Variants in UBE2U observed in about 807,000 individuals in gnomAD.
UBE2U encodes ubiquitin conjugating enzyme E2 U.
In UBE2U, 39 loss-of-function variants were observed where a neutral mutation model predicts 41.2. The ratio of observed to expected loss-of-function variants is 0.95; its 90% CI spans 0.73 to 1.24. The LOEUF (loss-of-function observed/expected upper bound fraction) is 1.24. Ranked by LOEUF, UBE2U falls within the 50% of genes most tolerant of loss-of-function variation. The pLI is 0.00. For missense variants in UBE2U, 336 were observed against 363.1 expected, an observed-to-expected ratio of 0.93 and a Z score of 0.61; for synonymous variants, 107 against 117.8, an observed-to-expected ratio of 0.91 and a Z score of 0.60.
At chr1:64,211,664 C>T (rs1044517318) in intron 4 of UBE2U, among the ~76,000 whole-genome samples, 1 of 152,142 alleles carries the variant, frequency 6.6e-6, no homozygotes, top group African/African-American at 2.4e-5. Flanking sequence ...TGGCCTCAAA[C>T]TCCTGGGCTC....
chr1:64,255,607 G>T (rs528522447), intron 8 of UBE2U, among the ~76,000 whole-genome samples: 4 of 152,212 alleles, frequency 2.6e-5, no homozygotes, highest in South Asian at 2.1e-4. Context: ...AGGGTGCAAG[G>T]TTGGCTCAAC....
intron 8 of UBE2U, chr1:64,244,141 T>G: frequency 1.2e-6 from 2 of 1,610,174 alleles, no homozygotes. Context: ...TGAAAAATCT[T>G]TCTTTGGAAG....
chr1:64,260,566 T>C (rs972104386), intron 8 of UBE2U, 37 bp from the exon 9 acceptor site: 56 of 1,498,360 alleles, frequency 3.7e-5, no homozygotes, highest in Non-Finnish European at 4.7e-5. Context: ...CTTACCAAAA[T>C]TCATTTGGGA....
intron 8 of UBE2U, among the ~76,000 whole-genome samples, chr1:64,256,838 AG>A (rs1363798916): frequency 6.6e-6 from 1 of 152,052 alleles, no homozygotes; most frequent in African/African-American, 2.4e-5. Flanking sequence ...ACCTAAAGAA[AG>A]GGAGAAAAAT....
intron 8 of UBE2U, among the ~76,000 whole-genome samples, chr1:64,248,762 A>G (rs1053843470): frequency 2.0e-5 from 3 of 152,216 alleles, no homozygotes; most frequent in Admixed American, 6.5e-5. Flanking sequence ...AAGAAAAGGT[A>G]TAAATCAAGT....
rs552025233 is a variant in UBE2U, at chr1:64,253,086, G to T, written c.678-7517G>T. On this transcript the variant is annotated intron_variant, in intron 8 of 9. Coordinates refer to ENST00000371077, the MANE Select transcript of UBE2U (RefSeq NM_001366232.2). Reference sequence around the variant, plus strand: ...GGAACATAAACAACCTGATGGAGCTGAAAAACACAACTTTAGAACTTCACA... The same window carrying T: ...GGAACATAAACAACCTGATGGAGCTTAAAAACACAACTTTAGAACTTCACA... 2.0e-5 allele frequency among the ~76,000 whole-genome samples: 3 copies of T among 150,864 alleles called. No individual in the cohort carries two copies. In the South Asian group the frequency reaches 6.2e-4, roughly 31 times the overall value.
intron 8 of UBE2U, among the ~76,000 whole-genome samples, chr1:64,257,157 TTGG>T (rs1157186787): frequency 6.6e-6 from 1 of 152,166 alleles, no homozygotes; most frequent in Non-Finnish European, 1.5e-5. Context: ...TTTTACACTG[TTGG>T]TGGGTGTGTA....
At chr1:64,256,767 A>G (rs1387356925) in intron 8 of UBE2U, among the ~76,000 whole-genome samples, 1 of 152,200 alleles carries the variant, frequency 6.6e-6, no homozygotes, top group Non-Finnish European at 1.5e-5. Flanking sequence ...AAATTGACAA[A>G]TGGGATCTAA....
chr1:64,244,771 G>A (rs1396099310), intron 8 of UBE2U, among the ~76,000 whole-genome samples: 1 of 152,140 alleles, frequency 6.6e-6, no homozygotes, highest in African/African-American at 2.4e-5. Context: ...AAATTCATCT[G>A]TTCATGAAGA....
At chr1:64,207,776 C>T (rs1252479091) in intron 3 of UBE2U, among the ~76,000 whole-genome samples, 5 of 152,110 alleles carry the variant, frequency 3.3e-5, no homozygotes, top group Non-Finnish European at 5.9e-5. Flanking sequence ...TGATAAAACC[C>T]AGTAACTGTA....
chr1:64,206,883 T>C, intron 3 of UBE2U, 27 bp downstream of exon 3: 1 of 1,293,708 alleles, frequency 7.7e-7, no homozygotes, highest in Non-Finnish European at 1.1e-6. Flanking sequence ...ATTTTTATCA[T>C]TAGAGGCTTT....
intron 8 of UBE2U, among the ~76,000 whole-genome samples, chr1:64,246,852 G>A (rs999987942): frequency 6.6e-6 from 1 of 152,164 alleles, no homozygotes; most frequent in African/African-American, 2.4e-5. Flanking sequence ...TATATACTTA[G>A]TAACAAAGCT....
chr1:64,224,116 A>G (rs1411665433), intron 6 of UBE2U, among the ~76,000 whole-genome samples: 1 of 152,140 alleles, frequency 6.6e-6, no homozygotes, highest in Non-Finnish European at 1.5e-5. Context: ...CGAGTGGCTA[A>G]ATCATTTAAA....
At chr1:64,207,294 G>T (rs546110142) in intron 3 of UBE2U, among the ~76,000 whole-genome samples, 2 of 152,198 alleles carry the variant, frequency 1.3e-5, no homozygotes, top group Admixed American at 6.5e-5. Context: ...GGGACTACAG[G>T]CATGCGCCAC....
At chr1:64,224,323 T>C (rs1272041018) in intron 6 of UBE2U, among the ~76,000 whole-genome samples, 1 of 152,118 alleles carries the variant, frequency 6.6e-6, no homozygotes, top group East Asian at 1.9e-4. Flanking sequence ...TCATGAGAAA[T>C]TGAAAACAGA....
Position 64,263,055 on chromosome 1 carries a change from A to C in UBE2U, c.769+2361A>C, listed in dbSNP as rs552486214. ...GGAAAAAAAGGTGAAAACCCATGAT[A>C]AGTGGGGAAAAGGCAAGTTGGAAGA... On this transcript the variant is annotated intron_variant, in intron 9 of 9. Coordinates refer to ENST00000371077, the MANE Select transcript of UBE2U (RefSeq NM_001366232.2). Among the ~76,000 whole-genome samples the C allele has an allele frequency of 2.0e-3, 299 of 152,250 alleles. 1 individual carries two copies. The highest frequency in any genetic ancestry group is 2.9e-3 in the Non-Finnish European group (195 of 68,016).
intron 7 of UBE2U, among the ~76,000 whole-genome samples, chr1:64,241,178 G>C (rs1451166344): frequency 1.3e-5 from 2 of 152,124 alleles, no homozygotes; most frequent in Non-Finnish European, 2.9e-5. Flanking sequence ...TCCTTATCAT[G>C]CCACTTCAAG....
rs115502921 is a variant in UBE2U at position 64,226,963 on chromosome 1, G to T, written c.507-5598G>T. ...ATGGGTCTGATTATAAGAAAGCAAG[G>T]TTGGTTTAATATTCAAACATCAATT... On this transcript the variant is annotated intron_variant, in intron 6 of 9. Coordinates refer to ENST00000371077, the MANE Select transcript of UBE2U (RefSeq NM_001366232.2). Among the ~76,000 whole-genome samples, 1,010 of 152,248 alleles carry T rather than the reference G, an allele frequency of 6.6e-3. 9 individuals carry two copies. Among genetic ancestry groups the T allele is most frequent in the Middle Eastern group, 0.02 (6 of 294 alleles).
At chr1:64,266,359 TAGAC>T (rs1392385675) in intron 9 of UBE2U, among the ~76,000 whole-genome samples, 1 of 152,186 alleles carries the variant, frequency 6.6e-6, no homozygotes, top group Non-Finnish European at 1.5e-5. Context: ...TGTTTTTGGA[TAGAC>T]AGATCTGGGA....
Sources: allele counts gnomAD v4.1 joint callset (sites outside exome capture counted in the v4.1 genomes callset), GRCh38; gene constraint gnomAD v4.1.1; transcripts MANE v1.5; gene names NCBI Gene and HGNC (gene_info 2026-07-23, HGNC 2026-07-21).